ATP5MC2: variants seen among roughly 807,000 people sequenced by gnomAD.
The protein encoded by ATP5MC2 is ATP synthase membrane subunit c locus 2.
Under a neutral mutation model 13.5 loss-of-function variants are expected in ATP5MC2, and 11 were observed. The observed-to-expected ratio is 0.81, with a 90% CI of 0.51 to 1.35. The LOEUF is 1.35. ATP5MC2 is among the 40% of genes most tolerant of loss of function. The pLI, the probability that ATP5MC2 is intolerant of heterozygous loss-of-function variation, is 0.00. For missense variants in ATP5MC2, 132 were observed against 175.0 expected (o/e 0.75, Z 1.39); for synonymous variants, 64 against 69.7 (o/e 0.92, Z 0.41).
At chr12:53,666,721 T>TC (rs1384645196) in intron 4 of ATP5MC2, among the ~76,000 whole-genome samples, 9 of 148,882 alleles carry the variant, frequency 6.0e-5, no homozygotes, top group Non-Finnish European at 1.2e-4. Flanking sequence ...GATTACACAG[T>TC]TGCACTCCAG....
At chr12:53,667,747 G>A (rs1018114216) in intron 4 of ATP5MC2, among the ~76,000 whole-genome samples, 7 of 151,366 alleles carry the variant, frequency 4.6e-5, no homozygotes, top group Non-Finnish European at 7.4e-5. Flanking sequence ...CGCCCGCCTC[G>A]GCCTCCCAAA....
chr12:53,677,464 C>G (rs961640710), upstream of ATP5MC2: 1 of 152,262 alleles, frequency 6.6e-6, no homozygotes, highest in Admixed American at 6.5e-5. Context: ...TGCGGCCAAT[C>G]CATCTTGCAG....
chr12:53,676,381 G>A, upstream of ATP5MC2: 1 of 760,414 alleles, frequency 1.3e-6, no homozygotes, highest in Non-Finnish European at 2.0e-6. Flanking sequence ...CCCTTTCCGA[G>A]CATGCGCAGT....
chr12:53,680,970 G>T (rs1463019921), upstream of ATP5MC2, among the ~76,000 whole-genome samples: 1 of 152,082 alleles, frequency 6.6e-6, no homozygotes. Context: ...GCAGTGGCAT[G>T]ATCTTGGCTC....
intron 4 of ATP5MC2, among the ~76,000 whole-genome samples, chr12:53,668,136 C>T (rs1228006165): frequency 1.3e-5 from 2 of 149,526 alleles, no homozygotes; most frequent in Admixed American, 1.3e-4. Flanking sequence ...CTACAGGCGC[C>T]CACCACAACG....
chr12:53,666,577 CAA>C (rs1337687568), intron 4 of ATP5MC2, among the ~76,000 whole-genome samples: 14 of 120,640 alleles, frequency 1.2e-4, no homozygotes, highest in Non-Finnish European at 2.0e-4. Flanking sequence ...GACTCTGTCT[CAA>C]AAAAAAAAAA....
chr12:53,676,319 A>G, upstream of ATP5MC2: 2 of 1,410,606 alleles, frequency 1.4e-6, no homozygotes, highest in Non-Finnish European at 1.9e-6. Flanking sequence ...GCCGATCCGT[A>G]ACGTGGACTG....
At chr12:53,667,956 C>CATATATATATATATATATATATATATAT (rs772110168) in intron 4 of ATP5MC2, among the ~76,000 whole-genome samples, 2 of 67,372 alleles carry the variant, frequency 3.0e-5, no homozygotes, top group South Asian at 5.5e-4. Context: ...CATACACACA[C>CATATATATATATATATATATATATATAT]ATATATATAT....
chr12:53,670,622 TTC>T (rs1194155998), intron 2 of ATP5MC2, among the ~76,000 whole-genome samples: 1 of 151,612 alleles, frequency 6.6e-6, no homozygotes, highest in Non-Finnish European at 1.5e-5. Context: ...CTTTCTTTCT[TTC>T]TTTTTTTTTT....
At chr12:53,676,348 GT>G (rs1945278419), upstream of ATP5MC2, 2 of 1,129,976 alleles carry the variant, frequency 1.8e-6, no homozygotes, top group African/African-American at 1.6e-5. Context: ...TCTGTACCGC[GT>G]TTGGGATCTC....
At chr12:53,672,536 G>T (rs767809067) in intron 2 of ATP5MC2, 40 bp downstream of exon 2, 1 of 1,521,712 alleles carries the variant, frequency 6.6e-7, no homozygotes, top group Non-Finnish European at 8.9e-7. Context: ...GAGACAAGAT[G>T]TCTCTCCTTT....
chr12:53,666,315 T>C lies in ATP5MC2; in HGVS notation c.312-887A>G, dbSNP rs57610506. ...AAAAATTGCTGGGCGCAGTGGCTCA[T>C]GTCTGTAATCCCAGCACTTTGGGAG... On this transcript the variant is annotated intron_variant, in intron 4 of 4. Coordinates refer to ENST00000394349, the MANE Select transcript of ATP5MC2 (RefSeq NM_005176.7). Among the ~76,000 whole-genome samples, 1,417 of 151,260 alleles carry C rather than the reference T, an allele frequency of 9.4e-3. 21 individuals are homozygous for C. Among genetic ancestry groups the C allele is most frequent in the East Asian group, 0.029 (149 of 5,104 alleles).
At chr12:53,676,273 G>T (rs1945272369), upstream of ATP5MC2, 7 of 1,531,170 alleles carry the variant, frequency 4.6e-6, no homozygotes, top group Non-Finnish European at 6.1e-6. Flanking sequence ...TACAGGGAGC[G>T]CCGACTGCAG....
At chr12:53,677,059 G>T (rs1275831242), upstream of ATP5MC2, 3 of 152,190 alleles carry the variant, frequency 2.0e-5, no homozygotes, top group Admixed American at 1.3e-4. Flanking sequence ...AGAAAGACGG[G>T]AAAAGCTCAC....
intron 4 of ATP5MC2, among the ~76,000 whole-genome samples, chr12:53,667,956 C>CATATATATATATAT (rs772110168): frequency 0.014 from 917 of 66,814 alleles, 63 homozygotes; most frequent in South Asian, 0.025. Context: ...CATACACACA[C>CATATATATATATAT]ATATATATAT....
chr12:53,672,686 C>T, intron 1 of ATP5MC2, 41 bp from the exon 2 acceptor site: 1 of 1,536,204 alleles, frequency 6.5e-7, no homozygotes, highest in Non-Finnish European at 8.8e-7. Flanking sequence ...TCCTTATTCA[C>T]TAAACTATAT....
rs776493533 is a variant in ATP5MC2 at position 53,665,234 on chromosome 12, G to A, written c.*80C>T. On this transcript the variant is annotated 3_prime_UTR_variant, in exon 5 of 5. Coordinates refer to ENST00000394349, the MANE Select transcript of ATP5MC2 (RefSeq NM_005176.7). ...ACCCTGAGCCAACCACGTTCCCCAG[G>A]CTGCCTGGGGAGGTATAGGAAAAGG... The A allele has an allele frequency of 1.7e-5, 19 of 1,119,532 alleles. No individual in the cohort carries two copies. The highest frequency in any genetic ancestry group is 5.0e-5 in the Admixed American group (2 of 39,618). 69.3% of individuals were successfully genotyped at this position (1,119,532 alleles called of 1,614,324 possible). A position where few individuals can be genotyped will look rare whatever the true frequency, so the allele number is the denominator to read the frequency against.
intron 2 of ATP5MC2, among the ~76,000 whole-genome samples, chr12:53,671,166 T>C (rs138690731): frequency 1.3e-5 from 2 of 152,180 alleles, no homozygotes; most frequent in African/African-American, 2.4e-5. Flanking sequence ...AACAGACACA[T>C]GGTGATTCAT....
At chr12:53,669,418 C>A in intron 3 of ATP5MC2, 77 bp from the exon 4 acceptor site, 1 of 1,470,494 alleles carries the variant, frequency 6.8e-7, no homozygotes. Context: ...CTTTAAGCTG[C>A]CAAATCCCAT....
Sources: allele counts gnomAD v4.1 joint callset (sites outside exome capture counted in the v4.1 genomes callset), GRCh38; gene constraint gnomAD v4.1.1; transcripts MANE v1.5; gene names NCBI Gene and HGNC (gene_info 2026-07-23, HGNC 2026-07-21).